CCDC7: variants seen among roughly 807,000 people sequenced by gnomAD.
The protein encoded by CCDC7 is coiled-coil domain-containing protein 7.
In CCDC7, 183 loss-of-function variants were observed where a neutral mutation model predicts 196.9. That is an observed-to-expected ratio of 0.93 (90% CI 0.82 to 1.05). The LOEUF (loss-of-function observed/expected upper bound fraction) is 1.05. Among genes scored for constraint, CCDC7 ranks in the 50% least tolerant of loss-of-function variants. The pLI is 0.00. For missense variants in CCDC7, 1,540 were observed against 1,482.2 expected, an observed-to-expected ratio of 1.04 and a Z score of -0.64; for synonymous variants, 525 against 484.6, an observed-to-expected ratio of 1.08 and a Z score of -1.10.
chr10:32,471,136 G>T lies in CCDC7; in HGVS notation c.583G>T (p.Glu195Ter). ...CAAAACAGTCATTTTAAATATTGCAGAAATAGTAAGGCTTGTACAAAGATT... is the reference window on the plus strand; with the variant it reads ...CAAAACAGTCATTTTAAATATTGCATAAATAGTAAGGCTTGTACAAAGATT... Residue 195 changes from glutamate (E) to a stop codon, truncating the protein, a stop_gained, in exon 6 of 42, where the codon GAA (glutamate) becomes TAA (stop). Coordinates refer to ENST00000639629, the Ensembl canonical transcript of CCDC7. LOFTEE classifies it high-confidence loss of function. 1 of 1,612,606 alleles carries T rather than the reference G, an allele frequency of 6.2e-7. No homozygotes were observed. The highest frequency in any genetic ancestry group is 8.5e-7 in the Non-Finnish European group (1 of 1,179,298).
intron 28 of CCDC7, among the ~76,000 whole-genome samples, chr10:32,733,920 C>A (rs115489444): frequency 0.028 from 4,271 of 152,134 alleles, 217 homozygotes; most frequent in African/African-American, 0.097. Flanking sequence ...ATTTAAAAGT[C>A]AAAAACAACA....
At chr10:32,814,586 T>C in intron 31 of CCDC7, 133 bp downstream of exon 32, 1 of 597,398 alleles carries the variant, frequency 1.7e-6, no homozygotes, top group Non-Finnish European at 2.9e-6. Context: ...TGAATTCCCC[T>C]CTATAATATT....
intron 21 of CCDC7, among the ~76,000 whole-genome samples, chr10:32,670,288 A>G (rs2073795082): frequency 6.6e-6 from 1 of 152,142 alleles, no homozygotes; most frequent in African/African-American, 2.4e-5. Context: ...TCAACAGTTC[A>G]TAGGATTTTT....
At chr10:32,812,841 CT>C (rs1449313458) in intron 30 of CCDC7, among the ~76,000 whole-genome samples, 1 of 152,076 alleles carries the variant, frequency 6.6e-6, no homozygotes, top group African/African-American at 2.4e-5. Flanking sequence ...ACCCGTCCTT[CT>C]TTGATATATC....
At chr10:32,464,374 T>C (rs1160980696) in intron 5 of CCDC7, among the ~76,000 whole-genome samples, 1 of 152,208 alleles carries the variant, frequency 6.6e-6, no homozygotes, top group Non-Finnish European at 1.5e-5. Context: ...AATATTAACG[T>C]CTGTACTCAT....
At chr10:32,683,710 T>A (rs1467757518) in intron 21 of CCDC7, among the ~76,000 whole-genome samples, 1 of 152,194 alleles carries the variant, frequency 6.6e-6, no homozygotes, top group Admixed American at 6.5e-5. Context: ...TGAGTACTGC[T>A]GCAGCAGCAA....
chr10:32,527,581 CT>C (rs1195658107), intron 11 of CCDC7, among the ~76,000 whole-genome samples: 1 of 152,170 alleles, frequency 6.6e-6, no homozygotes, highest in Non-Finnish European at 1.5e-5. Context: ...ATATTAAAGT[CT>C]GCTGGACCAC....
intron 9 of CCDC7, among the ~76,000 whole-genome samples, chr10:32,500,991 C>T (rs11597215): frequency 0.083 from 12,557 of 152,164 alleles, 563 homozygotes; most frequent in East Asian, 0.16. Flanking sequence ...GTCGAGATGG[C>T]GGCAGTACAG....
intron 9 of CCDC7, among the ~76,000 whole-genome samples, chr10:32,497,088 A>G (rs1266611189): frequency 1.3e-5 from 2 of 152,176 alleles, no homozygotes; most frequent in Non-Finnish European, 1.5e-5. Flanking sequence ...TGGTCTATTC[A>G]GGGATTTGAC....
intron 16 of CCDC7, among the ~76,000 whole-genome samples, chr10:32,580,065 G>A (rs1413023227): frequency 5.3e-5 from 8 of 152,064 alleles, no homozygotes; most frequent in African/African-American, 2.4e-5. Context: ...TACCAAGTAG[G>A]GAAGGGAGAT....
downstream of CCDC7, among the ~76,000 whole-genome samples, chr10:32,877,345 G>A (rs556228284): frequency 3.2e-4 from 48 of 152,160 alleles, no homozygotes; most frequent in African/African-American, 1.1e-3. Context: ...TAACATAAAT[G>A]TGAACTATAT....
chr10:32,493,317 TG>T (rs1321277185), intron 9 of CCDC7, among the ~76,000 whole-genome samples: 1 of 151,690 alleles, frequency 6.6e-6, no homozygotes, highest in African/African-American at 2.4e-5. Flanking sequence ...TCATCCATGT[TG>T]TTGCAGATGA....
intron 28 of CCDC7, among the ~76,000 whole-genome samples, 155 bp downstream of exon 29, chr10:32,729,612 T>C (rs2083616503): frequency 6.6e-6 from 1 of 152,160 alleles, no homozygotes; most frequent in East Asian, 1.9e-4. Context: ...TCTTTTATAA[T>C]TACTCAGTTG....
intron 29 of CCDC7, among the ~76,000 whole-genome samples, chr10:32,779,708 A>G (rs58896134): frequency 0.053 from 8,070 of 152,252 alleles, 715 homozygotes; most frequent in African/African-American, 0.18. Flanking sequence ...CCAAACTCTC[A>G]TTCCCTGACA....
intron 8 of CCDC7, among the ~76,000 whole-genome samples, chr10:32,475,327 G>T (rs1024967915): frequency 6.6e-6 from 1 of 152,132 alleles, no homozygotes; most frequent in African/African-American, 2.4e-5. Context: ...ATTTCCATAT[G>T]TACTGCATTC....
intron 23 of CCDC7, among the ~76,000 whole-genome samples, chr10:32,689,871 A>AT (rs1434686457): frequency 6.6e-6 from 1 of 151,992 alleles, no homozygotes; most frequent in Non-Finnish European, 1.5e-5. Context: ...AGTAGCTGAG[A>AT]TTATAGGCAC....
downstream of CCDC7, among the ~76,000 whole-genome samples, chr10:32,878,616 TC>T (rs760786273): frequency 5.3e-5 from 8 of 152,068 alleles, no homozygotes; most frequent in Non-Finnish European, 1.2e-4. Context: ...TTGGCTGCCA[TC>T]AAAGGTAAGG....
chr10:32,576,906 A>G (rs1000477821), intron 16 of CCDC7, among the ~76,000 whole-genome samples: 1 of 152,052 alleles, frequency 6.6e-6, no homozygotes, highest in African/African-American at 2.4e-5. Context: ...TATACTGGAG[A>G]TGATGGTTAC....
intron 8 of CCDC7, among the ~76,000 whole-genome samples, chr10:32,478,412 T>C (rs545028894): frequency 1.3e-5 from 2 of 152,212 alleles, no homozygotes; most frequent in African/African-American, 4.8e-5. Flanking sequence ...ATTTAGGATT[T>C]CACTGTAAGT....
Sources: allele counts gnomAD v4.1 joint callset (sites outside exome capture counted in the v4.1 genomes callset), GRCh38; gene constraint gnomAD v4.1.1; transcripts MANE v1.5; gene names NCBI Gene and HGNC (gene_info 2026-07-23, HGNC 2026-07-21).